The following WBP2 variants were observed in gnomAD, a reference collection of about 807,000 sequenced individuals.
WBP2 encodes WW domain-binding protein 2.
Under a neutral mutation model 33.0 loss-of-function variants are expected in WBP2, and 23 were observed. The observed-to-expected ratio is 0.70, with a 90% CI of 0.50 to 0.99. The LOEUF (loss-of-function observed/expected upper bound fraction) is 0.99. WBP2 is among the 50% of genes least tolerant of loss of function. The probability of loss-of-function intolerance (pLI) is 0.00; values close to 1 mark genes in which losing one functional copy is unlikely to be tolerated. For synonymous variants in WBP2, 153 were observed against 133.5 expected (o/e 1.15, Z -1.01); for missense variants, 353 against 358.0 (o/e 0.99, Z 0.11).
chr17:75,847,111 C>T (rs552966495), intron 6 of WBP2, 127 bp from the exon 7 acceptor site: 2 of 1,048,726 alleles, frequency 1.9e-6, no homozygotes, highest in South Asian at 1.4e-5. Flanking sequence ...ATGAGAGCAG[C>T]AGGTGAGGTT....
intron 1 of WBP2, among the ~76,000 whole-genome samples, chr17:75,854,125 C>T (rs952226979): frequency 8.6e-5 from 13 of 150,878 alleles, no homozygotes; most frequent in Non-Finnish European, 1.9e-4. Flanking sequence ...ACAGGCTGGG[C>T]CCATGAAACT....
chr17:75,848,964 C>T (rs2065012253), intron 3 of WBP2: 1 of 429,056 alleles, frequency 2.3e-6, no homozygotes, highest in Admixed American at 3.7e-5. Flanking sequence ...GCCAAGGCCA[C>T]ATCAAGGTTT....
At chr17:75,848,437 GGCCTGGTCA>G in intron 4 of WBP2, 124 bp downstream of exon 4, 1 of 798,894 alleles carries the variant, frequency 1.3e-6, no homozygotes, top group Non-Finnish European at 2.1e-6. Context: ...CCAACTCCTA[GGCCTGGTCA>G]GCCTGGTGCC....
chr17:75,851,554 G>A lies in WBP2; in HGVS notation c.168+14C>T, dbSNP rs768455621. 1 of 1,598,014 alleles carries A rather than the reference G, an allele frequency of 6.3e-7. No homozygotes were observed. Among genetic ancestry groups the A allele is most frequent in the South Asian group, 1.1e-5 (1 of 90,722 alleles). ...AACAAGCCTCTCAACCAACTGCCCTGCTGTGCAACTCACCCGGTAAGGGGT... is the reference window on the plus strand; with the variant it reads ...AACAAGCCTCTCAACCAACTGCCCTACTGTGCAACTCACCCGGTAAGGGGT... On this transcript the variant is annotated intron_variant, in intron 2 of 7. Transcript: ENST00000254806.
chr17:75,846,854 G>T lies in WBP2; in HGVS notation c.732+54C>A, dbSNP rs1599419570. On this transcript the variant is annotated intron_variant, in intron 7 of 7. Coordinates refer to ENST00000254806, the MANE Select transcript of WBP2 (RefSeq NM_012478.4). This position sits in a 1 kb window ranked among gnomAD's most constrained non-coding sequence, Gnocchi z 4.8. ...AAACATGGTGCGGTCATCCCCCTGC[G>T]GCTCCCAGCATCTGCGGCTGTGGGG... The T allele has an allele frequency of 6.2e-7, 1 of 1,612,838 alleles. No homozygotes were observed. The highest frequency in any genetic ancestry group is 1.1e-5 in the South Asian group (1 of 90,946).
In WBP2 at chr17:75,847,830, G is replaced by A; in HGVS notation, c.498C>T (p.Cys166=). ...PPPVANGMYP[C]PPGYPYPPPP... is the part of the protein sequence containing the mutation. ...GCGGTGGATAGGGGTAGCCAGGAGG[G>A]CAGGGGTACATTCCATTGGCGACTG... is the stretch of plus-strand genomic sequence containing the variant. Residue 166 remains cysteine (C), a synonymous_variant, in exon 5 of 8, where the codon TGC becomes TGT. Transcript: ENST00000254806. 1.9e-6 allele frequency: 3 copies of A among 1,558,692 alleles called. No homozygotes were observed. Among genetic ancestry groups the A allele is most frequent in the Non-Finnish European group, 2.6e-6 (3 of 1,150,926 alleles).
At position 75,852,870 on chromosome 17, in the gene WBP2, G is replaced by A. The variant is rs1599425437; in HGVS notation, c.60-1194C>T. 12 of 889,858 alleles carry A rather than the reference G, an allele frequency of 1.3e-5. No homozygotes were observed. In the South Asian group the frequency reaches 3.1e-4, roughly 23 times the overall value. 55.1% of individuals were successfully genotyped at this position (889,858 alleles called of 1,614,324 possible). ...ATGACTGTACAGATCACAATAGGACGTCCTTCGGGGTTCTTTTAAACCTGG... is the reference window on the plus strand; with the variant it reads ...ATGACTGTACAGATCACAATAGGACATCCTTCGGGGTTCTTTTAAACCTGG... On this transcript the variant is annotated intron_variant, in intron 1 of 7. Transcript: ENST00000254806.
chr17:75,847,053 G>C lies in WBP2; in HGVS notation c.656-69C>G, dbSNP rs931513525. The C allele has an allele frequency of 2.2e-5, 34 of 1,576,960 alleles. No homozygotes were observed. In the South Asian group the frequency reaches 3.0e-4, roughly 14 times the overall value. ...CCCCTGAGCTCAGCTAAGAGACCCC[G>C]GGCCCCCATGGCTCGGGGCAGCTGG... is the stretch of plus-strand genomic sequence containing the variant. On this transcript the variant is annotated intron_variant, in intron 6 of 7. Coordinates refer to ENST00000254806, the MANE Select transcript of WBP2 (RefSeq NM_012478.4).
intron 1 of WBP2, among the ~76,000 whole-genome samples, chr17:75,854,433 A>C (rs983632411): frequency 6.6e-6 from 1 of 152,182 alleles, no homozygotes; most frequent in Non-Finnish European, 1.5e-5. Context: ...AGACTGGAGG[A>C]GAGACAGGAT....
Position 75,849,690 on chromosome 17 carries a change from G to A in WBP2, c.218C>T (p.Pro73Leu). The A allele has an allele frequency of 6.2e-7, 1 of 1,614,170 alleles. No homozygotes were observed. Among genetic ancestry groups the A allele is most frequent in the Non-Finnish European group, 8.5e-7 (1 of 1,180,014 alleles). Residue 73 changes from proline (P) to leucine (L), a missense_variant, in exon 3 of 8, where the codon CCA (proline) becomes CTA (leucine). Coordinates refer to ENST00000254806, the MANE Select transcript of WBP2 (RefSeq NM_012478.4). ...GKDAMQSFMMPFYLMKDCEIK... is the reference protein window; with the variant it reads ...GKDAMQSFMMLFYLMKDCEIK... ...CTCACAGTCTTTCATGAGATAAAAT[G>A]GCATCATGAAGGACTGCATGGCATC...
At chr17:75,852,856 G>T in intron 1 of WBP2, 1 of 943,982 alleles carries the variant, frequency 1.1e-6, no homozygotes, top group East Asian at 1.2e-4. Flanking sequence ...TGACTGTACA[G>T]ATCACAATAG....
At chr17:75,851,122 T>C (rs898880628) in intron 2 of WBP2, 16 of 159,436 alleles carry the variant, frequency 1.0e-4, no homozygotes, top group Non-Finnish European at 1.8e-4. Context: ...AGCCTGGCAT[T>C]TGTCATTCTG....
At chr17:75,852,894 G>A (rs2065036172) in intron 1 of WBP2, 6 of 712,656 alleles carry the variant, frequency 8.4e-6, no homozygotes, top group Non-Finnish European at 1.0e-5. Flanking sequence ...TTTTAAACCT[G>A]GGTTCTTAAG....
chr17:75,850,605 C>A (rs916476393), intron 2 of WBP2, among the ~76,000 whole-genome samples: 3 of 152,080 alleles, frequency 2.0e-5, no homozygotes, highest in African/African-American at 7.2e-5. Context: ...GTTGAGCCTC[C>A]AGAGATGGGG....
At chr17:75,852,948 T>C (rs2065036480) in intron 1 of WBP2, 1 of 195,806 alleles carries the variant, frequency 5.1e-6, no homozygotes, top group Non-Finnish European at 9.3e-6. Flanking sequence ...GATGATCACG[T>C]ATGTCATATG....
intron 3 of WBP2, 147 bp from the exon 4 acceptor site, chr17:75,848,809 C>A: frequency 1.4e-6 from 1 of 696,092 alleles, no homozygotes; most frequent in Non-Finnish European, 2.5e-6. Flanking sequence ...TTCCTGGTGC[C>A]ATGGTTTCCA....
intron 4 of WBP2, chr17:75,848,331 A>G (rs1221024644): frequency 5.0e-6 from 3 of 596,162 alleles, no homozygotes; most frequent in Non-Finnish European, 9.0e-6. Flanking sequence ...CCTTGAGTCC[A>G]AACAGCTTTG....
In WBP2 at chr17:75,846,870, G is replaced by A. The variant is rs374655455; in HGVS notation, c.732+38C>T. The A allele has an allele frequency of 4.3e-6, 7 of 1,613,564 alleles. No homozygotes were observed. Among genetic ancestry groups the A allele is most frequent in the East Asian group, 4.5e-5 (2 of 44,874 alleles). ...TCCCCCTGCGGCTCCCAGCATCTGC[G>A]GCTGTGGGGCTGCACCGGCACTGCC... On this transcript the variant is annotated intron_variant, in intron 7 of 7. Coordinates refer to ENST00000254806, the MANE Select transcript of WBP2 (RefSeq NM_012478.4). The surrounding 1 kb of genome is among the most constrained non-coding windows in gnomAD (Gnocchi z 4.8).
Position 75,855,312 on chromosome 17 carries a change from G to A in WBP2, c.-15C>T, listed in dbSNP as rs142166624. The A allele has an allele frequency of 4.2e-4, 671 of 1,611,390 alleles. 6 individuals carry two copies. In the African/African-American group the frequency reaches 7.9e-3, roughly 19 times the overall value. ...TTGAGCGCCATAGTCTCTCCAACAG[G>A]GGTCCCGAGACTCAAAACGCAATGA... On this transcript the variant is annotated 5_prime_UTR_variant, in exon 1 of 8. Transcript: ENST00000254806.
Sources: allele counts gnomAD v4.1 joint callset (sites outside exome capture counted in the v4.1 genomes callset), GRCh38; gene constraint gnomAD v4.1.1; non-coding constraint Gnocchi (gnomAD v3.1); transcripts MANE v1.5; gene names NCBI Gene and HGNC (gene_info 2026-07-23, HGNC 2026-07-21).